Variants in ZNF846 observed in about 807,000 individuals in gnomAD.
ZNF846 encodes zinc finger protein 846.
In ZNF846, 15 loss-of-function variants were observed where a neutral mutation model predicts 16.0. That is an observed-to-expected ratio of 0.94 (90% CI 0.63 to 1.45). The LOEUF (loss-of-function observed/expected upper bound fraction) is 1.45. ZNF846 is among the 40% of genes most tolerant of loss of function. The pLI, the probability that ZNF846 is intolerant of heterozygous loss-of-function variation, is 0.00. For synonymous variants in ZNF846, 229 were observed against 212.0 expected, an observed-to-expected ratio of 1.08 and a Z score of -0.70; for missense variants, 714 against 622.3, an observed-to-expected ratio of 1.15 and a Z score of -1.57.
chr19:9,765,702 C>A (rs752833977), intron 1 of ZNF846, among the ~76,000 whole-genome samples: 4 of 152,014 alleles, frequency 2.6e-5, no homozygotes, highest in Non-Finnish European at 5.9e-5. Flanking sequence ...ACAAATAAAG[C>A]ATTTCCATAC....
At chr19:9,778,226 A>G (rs1422062782) in intron 1 of ZNF846, among the ~76,000 whole-genome samples, 1 of 152,208 alleles carries the variant, frequency 6.6e-6, no homozygotes, top group African/African-American at 2.4e-5. Flanking sequence ...AATAACAATC[A>G]AGAGATAGAA....
At chr19:9,758,031 T>C in exon 6 of ZNF846, 1 of 1,613,484 alleles carries the variant, frequency 6.2e-7, no homozygotes, top group Non-Finnish European at 8.5e-7. Flanking sequence ...GTATGAGGAA[T>C]GAATAAAAGC....
downstream of ZNF846, among the ~76,000 whole-genome samples, chr19:9,757,065 C>G (rs2045143877): frequency 6.6e-6 from 1 of 151,312 alleles, no homozygotes; most frequent in Non-Finnish European, 1.5e-5. Flanking sequence ...CATGGTGGCA[C>G]ATGCCCGTAG....
At chr19:9,779,989 A>C (rs1599403540) in intron 1 of ZNF846, among the ~76,000 whole-genome samples, 1 of 139,252 alleles carries the variant, frequency 7.2e-6, no homozygotes, top group Non-Finnish European at 1.5e-5. Flanking sequence ...AGATCCTCCC[A>C]CCTCAGCCTC....
At chr19:9,770,166 A>C (rs566676690), upstream of ZNF846, among the ~76,000 whole-genome samples, 56 of 152,218 alleles carry the variant, frequency 3.7e-4, 1 homozygote, top group Admixed American at 1.8e-3. Context: ...CGATCATCAC[A>C]ATCAATTTTA....
intron 1 of ZNF846, among the ~76,000 whole-genome samples, chr19:9,778,170 G>C (rs2045466000): frequency 2.0e-5 from 3 of 152,000 alleles, no homozygotes; most frequent in Admixed American, 2.0e-4. Context: ...AAGAACTAAA[G>C]GAAGACATGG....
At chr19:9,783,218 CTTTTTT>C (rs74183307) in intron 1 of ZNF846, among the ~76,000 whole-genome samples, 2 of 65,362 alleles carry the variant, frequency 3.1e-5, no homozygotes, top group Non-Finnish European at 5.8e-5. Context: ...CCCTATAATT[CTTTTTT>C]TTTTTTTTTT....
At chr19:9,758,412 C>G (rs775564420) in exon 6 of ZNF846, 7 of 1,612,952 alleles carry the variant, frequency 4.3e-6, no homozygotes, top group East Asian at 2.2e-5. Flanking sequence ...GTGTTTGTCT[C>G]CATTGTGAGA....
exon 3 of ZNF846, chr19:9,763,389 T>G (rs970766154): frequency 6.2e-7 from 1 of 1,609,314 alleles, no homozygotes; most frequent in Non-Finnish European, 8.5e-7. Context: ...CACAGCCACA[T>G]CCTCAAAGGT....
chr19:9,768,881 C>T (rs1326479665), upstream of ZNF846: 1 of 152,220 alleles, frequency 6.6e-6, no homozygotes, highest in Non-Finnish European at 1.5e-5. Flanking sequence ...ACAGAAAAGT[C>T]CCGTTTTCTC....
chr19:9,769,532 ATTC>A (rs1599396511), upstream of ZNF846, among the ~76,000 whole-genome samples: 4 of 152,004 alleles, frequency 2.6e-5, no homozygotes, highest in African/African-American at 9.7e-5. Context: ...CCCTAGGGAA[ATTC>A]TTTTCTGCAG....
rs1394257668 is a variant in ZNF846 at position 9,764,965 on chromosome 19, T to A, written c.-15A>T. 2.5e-6 allele frequency: 4 copies of A among 1,613,980 alleles called. No individual in the cohort carries two copies. The African/African-American group carries it at 5.3e-5, about 22-fold the overall frequency. On this transcript the variant is annotated 5_prime_UTR_variant, in exon 2 of 6. Coordinates refer to ENST00000397902, the Ensembl canonical transcript of ZNF846. ...GAAGAATCCATCAGTAATCCATCAG[T>A]AACCCAGCCACTAGCCTTGGCTTCT...
At chr19:9,780,336 T>G (rs1421909237) in intron 1 of ZNF846, among the ~76,000 whole-genome samples, 2 of 152,090 alleles carry the variant, frequency 1.3e-5, no homozygotes, top group African/African-American at 4.8e-5. Flanking sequence ...CCCCAATAAC[T>G]AGGACTACAG....
rs564942643 is a variant in ZNF846, at chr19:9,785,342, C to T, written c.-86+596G>A. ...CCTCCCCAGTAGCTGGGACTACAGG[C>T]GCCTGCCAGCATGCCCAGCTAATTT... On this transcript the variant is annotated intron_variant, in intron 1 of 4. Coordinates refer to the ZNF846 transcript ENST00000586814. Among the ~76,000 whole-genome samples the T allele has an allele frequency of 1.3e-4, 20 of 151,978 alleles. No homozygotes were observed. The East Asian group carries it at 3.9e-3, about 29-fold the overall frequency.
chr19:9,752,645 C>A (rs895885538), downstream of ZNF846, among the ~76,000 whole-genome samples: 2 of 145,672 alleles, frequency 1.4e-5, no homozygotes, highest in Admixed American at 1.4e-4. Context: ...ATTCTTATTG[C>A]TTCTTTCAGT....
chr19:9,759,071 T>C (rs1323688957), intron 5 of ZNF846, among the ~76,000 whole-genome samples: 2 of 151,748 alleles, frequency 1.3e-5, no homozygotes, highest in African/African-American at 4.9e-5. Context: ...CGATCTTGAC[T>C]CACAGCAATC....
intron 1 of ZNF846, among the ~76,000 whole-genome samples, chr19:9,766,898 CAA>C (rs939656218): frequency 2.8e-4 from 26 of 92,750 alleles, no homozygotes; most frequent in African/African-American, 4.0e-4. Flanking sequence ...GACTCTGTCT[CAA>C]AAAAAAAAAA....
upstream of ZNF846, among the ~76,000 whole-genome samples, chr19:9,771,954 G>A (rs1224987528): frequency 6.6e-6 from 1 of 151,676 alleles, no homozygotes; most frequent in African/African-American, 2.4e-5. Flanking sequence ...TTTTAGTAGA[G>A]ACGAGGTTTC....
In ZNF846 at chr19:9,778,520, G is replaced by A. The variant is rs1197392218; in HGVS notation, c.-86+7418C>T. On this transcript the variant is annotated intron_variant, in intron 1 of 4. Transcript: ENST00000586814. Reference sequence around the variant, plus strand: ...AAAAACAAGCTAAAAGAAACCATGAGGGGGCCGGGCACTGTGGCTCAGGCC... The same window carrying A: ...AAAAACAAGCTAAAAGAAACCATGAAGGGGCCGGGCACTGTGGCTCAGGCC... Among the ~76,000 whole-genome samples the A allele has an allele frequency of 1.3e-5, 2 of 152,044 alleles. 1 individual carries two copies. The highest frequency in any genetic ancestry group is 4.1e-4 in the South Asian group (2 of 4,820).
Sources: allele counts gnomAD v4.1 joint callset (sites outside exome capture counted in the v4.1 genomes callset), GRCh38; gene constraint gnomAD v4.1.1; transcripts MANE v1.5; gene names NCBI Gene and HGNC (gene_info 2026-07-23, HGNC 2026-07-21).